SH3D19: variants seen among roughly 807,000 people sequenced by gnomAD.
SH3D19 encodes the protein SH3 domain-containing protein 19.
In SH3D19, 58 loss-of-function variants were observed where a neutral mutation model predicts 112.1. The ratio of observed to expected loss-of-function variants is 0.52; its 90% CI spans 0.42 to 0.64. The LOEUF (loss-of-function observed/expected upper bound fraction) is 0.64, where lower values mean the gene tolerates loss of function less well. SH3D19 is among the 30% of genes least tolerant of loss of function. The pLI is 0.00. For synonymous variants in SH3D19, 391 were observed against 448.5 expected, an observed-to-expected ratio of 0.87 and a Z score of 1.62; for missense variants, 1,090 against 1,263.4, an observed-to-expected ratio of 0.86 and a Z score of 2.08.
Position 151,210,576 on chromosome 4 carries a change from T to C in SH3D19, c.152+15471A>G, listed in dbSNP as rs547150692. On this transcript the variant is annotated intron_variant, in intron 2 of 19. Transcript: ENST00000604030. ...GCCACCACACCTGGCTAATTTTTTG[T>C]ATTTTTTAGTAGAGATGGGGTTTCA... 2.6e-5 allele frequency among the ~76,000 whole-genome samples: 4 copies of C among 152,156 alleles called. No individual in the cohort carries two copies. The South Asian group carries it at 8.3e-4, about 32-fold the overall frequency.
chr4:151,127,589 TGCA>T, intron 19 of SH3D19, 26 bp downstream of exon 19: 1 of 1,327,196 alleles, frequency 7.5e-7, no homozygotes, highest in Non-Finnish European at 1.1e-6. Context: ...TAGTGCTTAA[TGCA>T]GTTATGAAGA....
chr4:151,315,305 A>G (rs2126387345), intron 1 of SH3D19, among the ~76,000 whole-genome samples: 1 of 152,342 alleles, frequency 6.6e-6, no homozygotes, highest in Non-Finnish European at 1.5e-5. Flanking sequence ...CCAGTGCACA[A>G]TAAATATTAA....
intron 7 of SH3D19, among the ~76,000 whole-genome samples, chr4:151,168,853 T>A (rs1271623895): frequency 1.3e-5 from 2 of 152,216 alleles, no homozygotes; most frequent in Non-Finnish European, 2.9e-5. Context: ...CTTGAGCATG[T>A]AATGACTTAA....
intron 2 of SH3D19, among the ~76,000 whole-genome samples, chr4:151,210,471 AGCTTACTGCAAGCTCC>A (rs1019996304): frequency 6.8e-6 from 1 of 146,690 alleles, no homozygotes; most frequent in African/African-American, 2.6e-5. Flanking sequence ...GCGCAATCTC[AGCTTACTGCAAGCTCC>A]GCCTCCTGGG....
At chr4:151,289,053 A>G (rs1363228631) in intron 1 of SH3D19, among the ~76,000 whole-genome samples, 1 of 152,248 alleles carries the variant, frequency 6.6e-6, no homozygotes, top group Admixed American at 6.5e-5. Flanking sequence ...GATCAATGAA[A>G]TAGGATTGAG....
intron 7 of SH3D19, 28 bp downstream of exon 7, chr4:151,174,642 T>C (rs1409214283): frequency 1.3e-6 from 2 of 1,491,740 alleles, no homozygotes; most frequent in Non-Finnish European, 1.8e-6. Flanking sequence ...GAGTTTAGAT[T>C]CCCCTCCACT....
intron 4 of SH3D19, among the ~76,000 whole-genome samples, chr4:151,177,422 C>T (rs1760118952): frequency 6.6e-6 from 1 of 152,188 alleles, no homozygotes; most frequent in Admixed American, 6.5e-5. Flanking sequence ...AATCTTGGCT[C>T]CCTGCAACCT....
intron 1 of SH3D19, among the ~76,000 whole-genome samples, chr4:151,277,858 T>G (rs1366367280): frequency 6.6e-6 from 1 of 152,102 alleles, no homozygotes; most frequent in Non-Finnish European, 1.5e-5. Context: ...CTGGGCAACA[T>G]GGTGAAACCC....
At chr4:151,258,165 C>G (rs1330174679) in intron 1 of SH3D19, among the ~76,000 whole-genome samples, 1 of 152,196 alleles carries the variant, frequency 6.6e-6, no homozygotes, top group Non-Finnish European at 1.5e-5. Context: ...CCTATAGATC[C>G]TGTTCCACAT....
At chr4:151,182,630 T>C (rs1000903145) in intron 3 of SH3D19, among the ~76,000 whole-genome samples, 6 of 152,302 alleles carry the variant, frequency 3.9e-5, no homozygotes, top group Middle Eastern at 3.4e-3. Flanking sequence ...CTATGAAATC[T>C]TTCTTTTCTC....
chr4:151,258,620 T>C (rs2149985907), intron 1 of SH3D19, among the ~76,000 whole-genome samples: 1 of 152,274 alleles, frequency 6.6e-6, no homozygotes, highest in African/African-American at 2.4e-5. Context: ...TCAGGCTGAA[T>C]CCCAGACACC....
chr4:151,269,428 CAGA>C (rs1175026901), intron 1 of SH3D19, among the ~76,000 whole-genome samples: 1 of 152,158 alleles, frequency 6.6e-6, no homozygotes, highest in African/African-American at 2.4e-5. Context: ...TTTTGCTGTG[CAGA>C]AGCTCTTGAG....
At chr4:151,248,274 A>T (rs1213402695) in intron 1 of SH3D19, among the ~76,000 whole-genome samples, 1 of 151,940 alleles carries the variant, frequency 6.6e-6, no homozygotes, top group Admixed American at 6.6e-5. Flanking sequence ...TTATTTTCTT[A>T]ATTTCTTCTA....
intron 1 of SH3D19, chr4:151,283,226 A>T: frequency 1.2e-6 from 2 of 1,613,894 alleles, no homozygotes; most frequent in Non-Finnish European, 8.5e-7. Context: ...CACTGGAGCC[A>T]GTCATCAAGG....
At chr4:151,222,060 C>T (rs1387479405) in intron 2 of SH3D19, among the ~76,000 whole-genome samples, 1 of 152,200 alleles carries the variant, frequency 6.6e-6, no homozygotes, top group Admixed American at 6.5e-5. Context: ...TTATTTCCAG[C>T]GCTAGCTTAT....
chr4:151,156,253 G>A (rs1037770352), intron 9 of SH3D19, among the ~76,000 whole-genome samples: 11 of 152,000 alleles, frequency 7.2e-5, no homozygotes, highest in Non-Finnish European at 2.9e-5. Context: ...ATTACCCAAA[G>A]AAATCTACAG....
At chr4:151,164,131 A>G (rs779639414) in intron 8 of SH3D19, among the ~76,000 whole-genome samples, 7 of 152,330 alleles carry the variant, frequency 4.6e-5, no homozygotes, top group Non-Finnish European at 7.3e-5. Context: ...CCTAAAATAA[A>G]GGGAATATGC....
Position 151,301,035 on chromosome 4 carries a change from T to A in SH3D19, c.112+24206A>T, listed in dbSNP as rs186074253. ...ATATAGAACCTTGGCACAGAAATAG[T>A]TTAGAGGTAAGAAATGTAAGTGATA... On this transcript the variant is annotated intron_variant, in intron 1 of 19. Transcript: ENST00000604030. Among the ~76,000 whole-genome samples the A allele has an allele frequency of 2.0e-4, 31 of 152,276 alleles. No individual in the cohort carries two copies. The East Asian group carries it at 2.5e-3, about 12-fold the overall frequency.
chr4:151,320,487 G>T (rs1281299104), intron 1 of SH3D19, among the ~76,000 whole-genome samples: 1 of 152,124 alleles, frequency 6.6e-6, no homozygotes, highest in Non-Finnish European at 1.5e-5. Flanking sequence ...TGTTCTTAAA[G>T]GGGGTGAGGG....
Sources: gnomAD v4.1 joint callset for allele counts (sites outside exome capture counted in the v4.1 genomes callset) on GRCh38, gnomAD v4.1.1 for gene constraint, MANE v1.5 for transcripts, NCBI Gene and HGNC (gene_info 2026-07-23, HGNC 2026-07-21) for gene names.